Variants in MELTF observed in about 807,000 individuals in gnomAD.
The protein encoded by MELTF is antigen p97 (melanoma associated) identified by monoclonal antibodies 133.2 and 96.5.
MELTF carries 67 observed loss-of-function variants against 83.7 expected under a neutral mutation model. The observed-to-expected ratio is 0.80, with a 90% CI of 0.66 to 0.98. The LOEUF (loss-of-function observed/expected upper bound fraction) is 0.98, where lower values mean the gene tolerates loss of function less well. MELTF is among the 50% of genes least tolerant of loss of function. MELTF has a pLI of 0.00. For synonymous variants in MELTF, 462 were observed against 447.6 expected (o/e 1.03, Z -0.41); for missense variants, 1,002 against 1,035.6 (o/e 0.97, Z 0.44).
chr3:197,009,777 C>T lies in MELTF; in HGVS notation c.1366G>A (p.Val456Met), dbSNP rs201599188. Residue 456 changes from valine (V) to methionine (M), a missense_variant, in exon 11 of 16, where the codon GTG becomes ATG. Val to Met is a conservative substitution (Grantham distance 21). Transcript: ENST00000296350. ...GCGTGGGAGCTGTCCCGTCTCACCA[C>T]GGCCACCACGTAGTACGAGTTGCTG... ...DSSNSYYVVAVVRRDSSHAFT... is the reference protein window; with the variant it reads ...DSSNSYYVVAMVRRDSSHAFT... The T allele has an allele frequency of 1.2e-4, 196 of 1,613,128 alleles. No homozygotes were observed. The highest frequency in any genetic ancestry group is 1.6e-4 in the Middle Eastern group (1 of 6,080).
At chr3:197,021,319 C>G in intron 6 of MELTF, 85 bp downstream of exon 6, 1 of 1,358,404 alleles carries the variant, frequency 7.4e-7, no homozygotes, top group Admixed American at 1.7e-5. Context: ...GCGTTTGATC[C>G]CAACTCTGCC....
chr3:197,018,209 A>G (rs1192040889), intron 6 of MELTF, among the ~76,000 whole-genome samples: 1 of 152,108 alleles, frequency 6.6e-6, no homozygotes, highest in Admixed American at 6.5e-5. Context: ...GTGCAGTGGC[A>G]CGATCTCGGC....
rs1719787844 is a variant in MELTF, at chr3:197,024,848, G to C, written c.305-363C>G. On this transcript the variant is annotated intron_variant, in intron 3 of 15. Transcript: ENST00000296350. This position sits in a 1 kb window ranked among gnomAD's most constrained non-coding sequence, Gnocchi z 5.3. ...CAAGTCCTTGCTTTCCAAGAGCCTA[G>C]GCCCCTAGGAGAACTTGGAGGGTTT... Among the ~76,000 whole-genome samples the C allele has an allele frequency of 1.3e-5, 2 of 152,214 alleles. No homozygotes were observed. The highest frequency in any genetic ancestry group is 4.8e-5 in the African/African-American group (2 of 41,442).
intron 6 of MELTF, among the ~76,000 whole-genome samples, chr3:197,018,386 C>G (rs765651157): frequency 1.3e-5 from 2 of 152,120 alleles, no homozygotes; most frequent in South Asian, 4.1e-4. Context: ...CTCCTGACCT[C>G]GTGATCCACC....
Position 197,023,178 on chromosome 3 carries a change from G to C in MELTF, c.488-65C>G. ...CTTCAGAGCCAAGCCAAGCCCCCAG[G>C]GTCAGCAGGGGGCCCGGGCTCTCAT... On this transcript the variant is annotated intron_variant, in intron 4 of 15. Coordinates refer to ENST00000296350, the MANE Select transcript of MELTF (RefSeq NM_005929.6). 4 of 1,513,576 alleles carry C rather than the reference G, an allele frequency of 2.6e-6. No individual in the cohort carries two copies. In the African/African-American group the frequency reaches 5.5e-5, roughly 21 times the overall value. 93.8% of individuals were successfully genotyped at this position (1,513,576 alleles called of 1,614,324 possible).
In MELTF at chr3:197,006,616, G is replaced by A. The variant is rs367993860; in HGVS notation, c.1871C>T (p.Pro624Leu). The A allele has an allele frequency of 1.9e-6, 3 of 1,613,340 alleles. No homozygotes were observed. The African/African-American group carries it at 4.0e-5, about 22-fold the overall frequency. ...GTCGGGCCGGACCATCACGGCGTGG[G>A]GTGGTATCTGTGCCAGGTTGCAGGC... ...FAACNLAQIP[P>L]HAVMVRPDTN... The change falls in exon 14 of 16, where the codon CCC (proline) becomes CTC (leucine). Residue 624 changes from proline to leucine, a missense_variant. By Grantham distance (98) the Pro-to-Leu change is moderately conservative. Coordinates refer to ENST00000296350, the MANE Select transcript of MELTF (RefSeq NM_005929.6). This position sits in a 1 kb window ranked among gnomAD's most constrained non-coding sequence, Gnocchi z 5.4.
rs1329458762 is a variant in MELTF at position 197,003,226 on chromosome 3, C to T, written c.*146G>A. ...CCTCAGGTAGCAGCGCCAGGTGGCG[C>T]CCGTGGGCGGCGGGGCTCCCGGGGA... On this transcript the variant is annotated 3_prime_UTR_variant, in exon 16 of 16. Coordinates refer to ENST00000296350, the MANE Select transcript of MELTF (RefSeq NM_005929.6). This position sits in a 1 kb window ranked among gnomAD's most constrained non-coding sequence, Gnocchi z 6.2. 7.7e-6 allele frequency: 7 copies of T among 908,860 alleles called. No individual in the cohort carries two copies. Among genetic ancestry groups the T allele is most frequent in the African/African-American group, 1.8e-5 (1 of 55,526 alleles). The allele number at this position is 908,860 out of a possible 1,614,324, so 56.3% of individuals were successfully genotyped here. A position where few individuals can be genotyped will look rare whatever the true frequency, so the allele number is the denominator to read the frequency against.
In MELTF at chr3:197,010,760, T is replaced by C. The variant is rs1719159681; in HGVS notation, c.1268A>G (p.Glu423Gly). 1.9e-6 allele frequency: 3 copies of C among 1,613,736 alleles called. No homozygotes were observed. The highest frequency in any genetic ancestry group is 2.5e-6 in the Non-Finnish European group (3 of 1,180,042). The change falls in exon 10 of 16, where the codon GAG (glutamate) becomes GGG (glycine). Residue 423 changes from glutamate (E) to glycine (G), a missense_variant. By Grantham distance (98) the Glu-to-Gly change is moderately conservative. Transcript: ENST00000296350. ...CGTCTTCCCCGCCGTGTAAATGTCC[T>C]CGCCACTCAGGGTCACAGCGTCGAC... ...EQVDAVTLSGEDIYTAGKTYG... is the reference protein window; with the variant it reads ...EQVDAVTLSGGDIYTAGKTYG...
intron 6 of MELTF, chr3:197,019,519 G>A: frequency 6.6e-7 from 1 of 1,522,994 alleles, no homozygotes; most frequent in Non-Finnish European, 8.9e-7. Context: ...GCGAGGATCA[G>A]TTGAGGCTGG....
rs769632592 is a variant in MELTF, at chr3:197,004,097, G to C, written c.1941C>G (p.Asp647Glu). The C allele has an allele frequency of 6.2e-7, 1 of 1,614,088 alleles. No individual in the cohort carries two copies. The highest frequency in any genetic ancestry group is 8.5e-7 in the Non-Finnish European group (1 of 1,180,018). Residue 647 changes from aspartate to glutamate, a missense_variant and splice_region_variant, in exon 15 of 16, where the codon GAC becomes GAG. Asp to Glu is a conservative substitution (Grantham distance 45). Transcript: ENST00000296350. ...TCTTATTGTGGTCGTCTCCAAACAG[G>C]TCCTGGAAGCACCGCAGGCAGACGA... is the stretch of plus-strand genomic sequence containing the variant. ...TVYGLLDKAQDLFGDDHNKNG... is the reference protein window; with the variant it reads ...TVYGLLDKAQELFGDDHNKNG...
rs775402027 is a variant in MELTF at position 197,024,650 on chromosome 3, A to T, written c.305-165T>A. On this transcript the variant is annotated intron_variant, in intron 3 of 15. Coordinates refer to ENST00000296350, the MANE Select transcript of MELTF (RefSeq NM_005929.6). The surrounding 1 kb of genome is among the most constrained non-coding windows in gnomAD (Gnocchi z 5.3). ...GTTACCAAGAGAGCAAGTGGGCTTC[A>T]TCTGCATGTATTAAGAGGCCCTGCC... Among the ~76,000 whole-genome samples the T allele has an allele frequency of 6.6e-6, 1 of 152,216 alleles. No individual in the cohort carries two copies. Among genetic ancestry groups the T allele is most frequent in the Non-Finnish European group, 1.5e-5 (1 of 68,030 alleles).
chr3:197,022,856 TC>T lies in MELTF; in HGVS notation c.644+100del. 3 of 1,147,746 alleles carry T rather than the reference TC, an allele frequency of 2.6e-6. No individual in the cohort carries two copies. Among genetic ancestry groups the T allele is most frequent in the Non-Finnish European group, 2.5e-6 (2 of 799,522 alleles). 71.1% of individuals were successfully genotyped at this position (1,147,746 alleles called of 1,614,324 possible). A position where few individuals can be genotyped will look rare whatever the true frequency, so the allele number is the denominator to read the frequency against. ...GATGAGACGCAGCCAACATGCCACTTCCCCCTCCACGGCCCTCTCTGGGCAA... is the reference window on the plus strand; with the variant it reads ...GATGAGACGCAGCCAACATGCCACTTCCCCTCCACGGCCCTCTCTGGGCAA... On this transcript the variant is annotated intron_variant, in intron 5 of 15. Transcript: ENST00000296350. This position sits in a 1 kb window ranked among gnomAD's most constrained non-coding sequence, Gnocchi z 5.1.
rs937834862 is a variant in MELTF at position 197,026,666 on chromosome 3, C to T, written c.298G>A (p.Asp100Asn). ...TCCCACTGCACCCTCTTACCTTGAT[C>T]GTACACTTCGCCCACCACCGGCTTC... Reference protein sequence around the residue: ...GLKPVVGEVYDQEVGTSYYAV... With the variant: ...GLKPVVGEVYNQEVGTSYYAV... The change falls in exon 3 of 16, where the codon GAT becomes AAT. Residue 100 changes from aspartate (D) to asparagine (N), a missense_variant. Coordinates refer to ENST00000296350, the MANE Select transcript of MELTF (RefSeq NM_005929.6). 31 of 1,612,842 alleles carry T rather than the reference C, an allele frequency of 1.9e-5. No homozygotes were observed. Among genetic ancestry groups the T allele is most frequent in the Non-Finnish European group, 2.5e-5 (29 of 1,179,878 alleles).
At position 197,005,995 on chromosome 3, in the gene MELTF, C is replaced by T. The variant is rs146254292; in HGVS notation, c.1938+554G>A. 2.4e-3 allele frequency among the ~76,000 whole-genome samples: 367 copies of T among 152,078 alleles called. 2 individuals carry two copies. Among genetic ancestry groups the T allele is most frequent in the African/African-American group, 8.1e-3 (335 of 41,454 alleles). ...CAGCACTTTGGGAGGCCGAGGTGGG[C>T]GGATCACGAGGTCAGGAGATCGAGA... On this transcript the variant is annotated intron_variant, in intron 14 of 15. Transcript: ENST00000296350.
At chr3:197,019,947 C>T (rs975458056) in intron 6 of MELTF, 1 of 1,227,042 alleles carries the variant, frequency 8.1e-7, no homozygotes, top group African/African-American at 1.5e-5. Flanking sequence ...AGATAACTAG[C>T]AGGGGCCTGA....
At chr3:197,013,051 T>C (rs1392639109) in intron 9 of MELTF, among the ~76,000 whole-genome samples, 2 of 152,228 alleles carry the variant, frequency 1.3e-5, no homozygotes, top group Non-Finnish European at 2.9e-5. Context: ...AAAATTCCAA[T>C]GACATTCTTT....
chr3:197,022,001 GT>G lies in MELTF; in HGVS notation c.645-531del, dbSNP rs1375375949. On this transcript the variant is annotated intron_variant, in intron 5 of 15. Coordinates refer to ENST00000296350, the MANE Select transcript of MELTF (RefSeq NM_005929.6). The surrounding 1 kb of genome is among the most constrained non-coding windows in gnomAD (Gnocchi z 5.1). ...CCAAAGTAGCTGGGGTGACAGGTGT[GT>G]GCCACCATGCTGGGCTAATTTTCAG... Among the ~76,000 whole-genome samples, 1 of 152,176 alleles carries G rather than the reference GT, an allele frequency of 6.6e-6. No homozygotes were observed. The highest frequency in any genetic ancestry group is 1.5e-5 in the Non-Finnish European group (1 of 68,034).
At chr3:197,020,835 G>GT (rs1397256584) in intron 6 of MELTF, among the ~76,000 whole-genome samples, 3 of 152,036 alleles carry the variant, frequency 2.0e-5, no homozygotes, top group Admixed American at 6.6e-5. Flanking sequence ...CGCTCGGCTA[G>GT]TTTTTTGTAT....
chr3:197,015,205 T>A (rs1442423325), intron 9 of MELTF, among the ~76,000 whole-genome samples, 160 bp downstream of exon 9: 1 of 151,482 alleles, frequency 6.6e-6, no homozygotes, highest in Non-Finnish European at 1.5e-5. Context: ...CTGGGGTGGG[T>A]GCTGGCCCCT....
Sources: allele counts gnomAD v4.1 joint callset (sites outside exome capture counted in the v4.1 genomes callset), GRCh38; gene constraint gnomAD v4.1.1; non-coding constraint Gnocchi (gnomAD v3.1); transcripts MANE v1.5; gene names NCBI Gene and HGNC (gene_info 2026-07-23, HGNC 2026-07-21).